The following TRPM7 variants were observed in gnomAD, a reference collection of about 807,000 sequenced individuals.
TRPM7 encodes transient receptor potential cation channel subfamily M member 7.
Under a neutral mutation model 229.7 loss-of-function variants are expected in TRPM7, and 134 were observed. The observed-to-expected ratio is 0.58, with a 90% CI of 0.51 to 0.67. The LOEUF (loss-of-function observed/expected upper bound fraction) is 0.67. TRPM7 is among the 30% of genes least tolerant of loss of function. The pLI is 0.00. For synonymous variants in TRPM7, 699 were observed against 715.2 expected (o/e 0.98, Z 0.36); for missense variants, 1,901 against 2,210.0 (o/e 0.86, Z 2.80).
Position 50,653,997 on chromosome 15 carries a change from A to AG in TRPM7, c.122+3783dup, listed in dbSNP as rs758206973. Among the ~76,000 whole-genome samples the AG allele has an allele frequency of 1.3e-4, 20 of 152,334 alleles. No homozygotes were observed. The East Asian group carries it at 1.5e-3, about 12-fold the overall frequency. ...ACCTTAAGAGGAAGGTCCACATCCTAGGACTAAGTTCAAAATAGAAGTAGA... is the reference window on the plus strand; with the variant it reads ...ACCTTAAGAGGAAGGTCCACATCCTAGGGACTAAGTTCAAAATAGAAGTAGA... On this transcript the variant is annotated intron_variant, in intron 3 of 38. Transcript: ENST00000646667.
chr15:50,626,103 A>G (rs912603512), intron 11 of TRPM7, among the ~76,000 whole-genome samples: 1 of 152,232 alleles, frequency 6.6e-6, no homozygotes, highest in Non-Finnish European at 1.5e-5. Flanking sequence ...TTGTATTAGT[A>G]TGTATAACTG....
intron 26 of TRPM7, among the ~76,000 whole-genome samples, chr15:50,591,605 G>T (rs1002429938): frequency 2.6e-5 from 4 of 151,096 alleles, no homozygotes; most frequent in Admixed American, 2.6e-4. Flanking sequence ...CAAGCAGTTC[G>T]CCTGCCTCAG....
intron 1 of TRPM7, among the ~76,000 whole-genome samples, chr15:50,670,273 G>A (rs1419614435): frequency 6.6e-6 from 1 of 152,110 alleles, no homozygotes; most frequent in Non-Finnish European, 1.5e-5. Context: ...AAACCAGAGT[G>A]ACTCCATCTT....
intron 3 of TRPM7, among the ~76,000 whole-genome samples, chr15:50,657,045 C>T (rs1195761999): frequency 1.3e-5 from 2 of 152,084 alleles, no homozygotes; most frequent in Admixed American, 6.6e-5. Context: ...TAAAATCAGC[C>T]GGGCCTGGTG....
chr15:50,592,476 T>C lies in TRPM7; in HGVS notation c.3759A>G (p.Lys1253=). Reference sequence around the variant, plus strand: ...TATGAACTTTGCTAGCTTCCGACGCTTTCTGGGCAGTGAGTGTTTTTAATG... The same window carrying C: ...TATGAACTTTGCTAGCTTCCGACGCCTTCTGGGCAGTGAGTGTTTTTAATG... The part of the protein sequence containing the change: ...VDTLKTLTAQ[K]ASEASKVHNE... The change falls in exon 26 of 39, where the codon AAA becomes AAG. Residue 1253 remains lysine, a synonymous_variant. Coordinates refer to ENST00000646667, the MANE Select transcript of TRPM7 (RefSeq NM_017672.6). The C allele has an allele frequency of 1.2e-6, 2 of 1,614,160 alleles. No individual in the cohort carries two copies. Among genetic ancestry groups the C allele is most frequent in the South Asian group, 1.1e-5 (1 of 91,082 alleles).
chr15:50,583,100 C>T lies in TRPM7; in HGVS notation c.4546G>A (p.Ala1516Thr). 1 of 1,602,864 alleles carries T rather than the reference C, an allele frequency of 6.2e-7. No individual in the cohort carries two copies. The highest frequency in any genetic ancestry group is 1.1e-5 in the South Asian group (1 of 88,382). The change falls in exon 29 of 39, where the codon GCT becomes ACT. Residue 1516 changes from alanine to threonine, a missense_variant. Coordinates refer to ENST00000646667, the MANE Select transcript of TRPM7 (RefSeq NM_017672.6). ...EDTHEVDSKA[A>T]LIPDWLQDRP... ...TGAAATCTACAAACCGGTATTAAAGCTGCTTTGGAATCTACTTCATGAGTG... is the reference window on the plus strand; with the variant it reads ...TGAAATCTACAAACCGGTATTAAAGTTGCTTTGGAATCTACTTCATGAGTG...
At chr15:50,598,117 C>T (rs1464670509) in intron 22 of TRPM7, among the ~76,000 whole-genome samples, 1 of 151,974 alleles carries the variant, frequency 6.6e-6, no homozygotes, top group Non-Finnish European at 1.5e-5. Flanking sequence ...CAACCCTTGA[C>T]CTAATCACCC....
At chr15:50,588,252 T>A (rs550334405) in intron 27 of TRPM7, 1 of 984,776 alleles carries the variant, frequency 1.0e-6, no homozygotes, top group Admixed American at 6.1e-5. Context: ...CTGCTGCTCC[T>A]ATTTGAGGTA....
At position 50,557,525 on chromosome 15, in the gene TRPM7, T is replaced by A. The variant is rs890074454; in HGVS notation, c.*4153A>T. 3.9e-5 allele frequency: 6 copies of A among 152,218 alleles called. No homozygotes were observed. The highest frequency in any genetic ancestry group is 1.4e-4 in the African/African-American group (6 of 41,456). The allele number at this position is 152,218 out of a possible 1,614,324, so 9.4% of individuals were successfully genotyped here. On this transcript the variant is annotated 3_prime_UTR_variant, in exon 39 of 39. Transcript: ENST00000646667. The stretch of plus-strand genomic sequence containing the variant: ...ACATTTAAAAATATTTTCTAAACAA[T>A]CCAATATAATCTTTTCTATAATTTC...
At position 50,605,668 on chromosome 15, in the gene TRPM7, G is replaced by A. The variant is rs143787729; in HGVS notation, c.2710-524C>T. 2.1e-4 allele frequency among the ~76,000 whole-genome samples: 32 copies of A among 152,234 alleles called. No individual in the cohort carries two copies. In the East Asian group the frequency reaches 5.4e-3, roughly 26 times the overall value. On this transcript the variant is annotated intron_variant, in intron 20 of 38. Transcript: ENST00000646667. ...GTATCATAAATACTGCAAAGCATCC[G>A]TTTCACTCTTCTCCCTTAGCCAATT... is the stretch of plus-strand genomic sequence containing the variant.
intron 31 of TRPM7, 39 bp from the exon 32 acceptor site, chr15:50,575,958 T>C (rs1224975341): frequency 1.3e-6 from 2 of 1,591,690 alleles, no homozygotes; most frequent in Admixed American, 1.8e-5. Flanking sequence ...ATTTAAAAAG[T>C]ACTAGTACAG....
In TRPM7 at chr15:50,574,298, C is replaced by T; in HGVS notation, c.5284G>A (p.Glu1762Lys). 6.2e-7 allele frequency: 1 copy of T among 1,613,846 alleles called. No individual in the cohort carries two copies. The highest frequency in any genetic ancestry group is 8.5e-7 in the Non-Finnish European group (1 of 1,179,852). The change falls in exon 36 of 39, where the codon GAG becomes AAG. Residue 1762 changes from glutamate to lysine, a missense_variant. Physicochemically the swap from Glu to Lys is moderately conservative, Grantham distance 56. Transcript: ENST00000646667. ...SHWTYEYTRG[E>K]LLVLDLQGVG... ...CCTTGCAAATCAAGTACCAGTAACTCCCCTCTTGTATATTCGTAAGTCCAG... is the reference window on the plus strand; with the variant it reads ...CCTTGCAAATCAAGTACCAGTAACTTCCCTCTTGTATATTCGTAAGTCCAG...
intron 7 of TRPM7, among the ~76,000 whole-genome samples, chr15:50,635,215 G>A (rs1024560286): frequency 6.6e-6 from 1 of 150,732 alleles, no homozygotes; most frequent in Middle Eastern, 3.2e-3. Context: ...TACTCAGGAG[G>A]GCTGAGGCAG....
chr15:50,664,150 T>C (rs945090770), intron 1 of TRPM7, among the ~76,000 whole-genome samples: 2 of 151,614 alleles, frequency 1.3e-5, no homozygotes, highest in East Asian at 1.9e-4. Flanking sequence ...ATACAAAAAT[T>C]AGCTGGGTGT....
chr15:50,680,921 AAACAGTATTGAC>A (rs1160434525), intron 1 of TRPM7, among the ~76,000 whole-genome samples: 2 of 152,166 alleles, frequency 1.3e-5, no homozygotes, highest in African/African-American at 4.8e-5. Flanking sequence ...ATAATGGAGA[AAACAGTATTGAC>A]ATCACAGAAT....
chr15:50,674,187 C>T (rs917726938), intron 1 of TRPM7, among the ~76,000 whole-genome samples: 19 of 152,176 alleles, frequency 1.2e-4, no homozygotes, highest in African/African-American at 4.6e-4. Context: ...TGGGGTTTCA[C>T]CATGTTGACC....
chr15:50,642,923 T>C (rs575123035), intron 5 of TRPM7, among the ~76,000 whole-genome samples: 52 of 152,280 alleles, frequency 3.4e-4, no homozygotes, highest in African/African-American at 1.0e-3. Context: ...CTACAAACTG[T>C]AGATTATTTA....
intron 6 of TRPM7, 88 bp from the exon 7 acceptor site, chr15:50,637,681 T>C: frequency 8.5e-7 from 1 of 1,171,878 alleles, no homozygotes; most frequent in Non-Finnish European, 1.2e-6. Context: ...TAAAGACAAG[T>C]AAGAAGTAAA....
At chr15:50,684,490 A>T (rs1288807438) in intron 1 of TRPM7, among the ~76,000 whole-genome samples, 1 of 151,838 alleles carries the variant, frequency 6.6e-6, no homozygotes, top group Non-Finnish European at 1.5e-5. Context: ...AAAATACAAA[A>T]ATTAGCCGGG....
Sources: allele counts gnomAD v4.1 joint callset (sites outside exome capture counted in the v4.1 genomes callset), GRCh38; gene constraint gnomAD v4.1.1; transcripts MANE v1.5; gene names NCBI Gene and HGNC (gene_info 2026-07-23, HGNC 2026-07-21).